ANKS1B: variants seen among roughly 807,000 people sequenced by gnomAD.
The protein encoded by ANKS1B is ankyrin repeat and sterile alpha motif domain containing 1B.
In ANKS1B, 36 loss-of-function variants were observed where a neutral mutation model predicts 148.3. The ratio of observed to expected loss-of-function variants is 0.24; its 90% CI spans 0.19 to 0.32. The LOEUF (loss-of-function observed/expected upper bound fraction) is 0.32, where lower values mean the gene tolerates loss of function less well. ANKS1B is among the 10% of genes least tolerant of loss of function. The pLI is 1.00. For missense variants in ANKS1B, 1,157 were observed against 1,542.6 expected, an observed-to-expected ratio of 0.75 and a Z score of 4.19; for synonymous variants, 542 against 560.8, an observed-to-expected ratio of 0.97 and a Z score of 0.47.
chr12:99,327,271 A>T (rs1427657377), intron 12 of ANKS1B, among the ~76,000 whole-genome samples: 11 of 116,500 alleles, frequency 9.4e-5, no homozygotes, highest in Admixed American at 8.4e-4. Flanking sequence ...AAATAATTAT[A>T]ATTTATTATA....
At chr12:99,442,172 G>T (rs2095559986) in intron 11 of ANKS1B, among the ~76,000 whole-genome samples, 1 of 151,710 alleles carries the variant, frequency 6.6e-6, no homozygotes, top group African/African-American at 2.4e-5. Context: ...GAAGCAAATA[G>T]ACCCCATCAA....
intron 17 of ANKS1B, among the ~76,000 whole-genome samples, chr12:98,940,072 T>C (rs188984694): frequency 1.3e-5 from 2 of 152,320 alleles, no homozygotes; most frequent in Non-Finnish European, 2.9e-5. Context: ...AAGCAAACAC[T>C]GCAGCTGAGT....
At chr12:99,860,954 C>T (rs536455231) in intron 1 of ANKS1B, among the ~76,000 whole-genome samples, 1 of 152,264 alleles carries the variant, frequency 6.6e-6, no homozygotes, top group African/African-American at 2.4e-5. Flanking sequence ...AACTACAACC[C>T]AAATTAGTAC....
At chr12:99,000,967 C>CTGTG (rs377515057) in intron 17 of ANKS1B, among the ~76,000 whole-genome samples, 4 of 150,070 alleles carry the variant, frequency 2.7e-5, no homozygotes, top group East Asian at 3.9e-4. Context: ...TAATATTCCG[C>CTGTG]TGTGTGTGTG....
chr12:99,739,318 T>A (rs2059878696), intron 8 of ANKS1B, among the ~76,000 whole-genome samples: 1 of 127,368 alleles, frequency 7.9e-6, no homozygotes, highest in South Asian at 3.0e-4. Flanking sequence ...TTTCTATCTG[T>A]GATTTGATGG....
At chr12:98,885,985 C>T (rs1188150330) in intron 17 of ANKS1B, among the ~76,000 whole-genome samples, 2 of 151,432 alleles carry the variant, frequency 1.3e-5, no homozygotes, top group Admixed American at 1.3e-4. Context: ...GATATGCAAG[C>T]ATTCTAAGGG....
chr12:99,568,337 G>C (rs1296882312), intron 9 of ANKS1B, among the ~76,000 whole-genome samples: 1 of 152,022 alleles, frequency 6.6e-6, no homozygotes, highest in African/African-American at 2.4e-5. Flanking sequence ...CATCTTATTA[G>C]GACACTTGTG....
chr12:99,589,934 C>G (rs1308065550), intron 9 of ANKS1B, among the ~76,000 whole-genome samples: 2 of 151,978 alleles, frequency 1.3e-5, no homozygotes, highest in Admixed American at 6.6e-5. Flanking sequence ...ACTTGTACCC[C>G]ATAAATATGT....
At position 99,193,762 on chromosome 12, in the gene ANKS1B, A is replaced by G. The variant is rs11109757; in HGVS notation, c.2420-39367T>C. Among the ~76,000 whole-genome samples the G allele has an allele frequency of 5.1e-3, 762 of 150,336 alleles. 12 individuals are homozygous for G. Among genetic ancestry groups the G allele is most frequent in the African/African-American group, 0.018 (744 of 40,780 alleles). ...CACTGAATCTCTGGGGACCTAGTGT[A>G]AGAAGACAGATTTTCCATGTATTTC... On this transcript the variant is annotated intron_variant, in intron 14 of 26. Coordinates refer to ENST00000683438, the MANE Select transcript of ANKS1B (RefSeq NM_001352186.2).
chr12:99,474,390 T>A (rs1299480836), intron 10 of ANKS1B, among the ~76,000 whole-genome samples: 3 of 152,116 alleles, frequency 2.0e-5, no homozygotes, highest in Non-Finnish European at 4.4e-5. Context: ...CAGAAAATTG[T>A]ACATTTTATG....
intron 17 of ANKS1B, among the ~76,000 whole-genome samples, chr12:98,891,637 C>G (rs1365713387): frequency 6.6e-6 from 1 of 152,136 alleles, no homozygotes; most frequent in African/African-American, 2.4e-5. Flanking sequence ...ATTGACAGCA[C>G]TGCACTTTGA....
intron 1 of ANKS1B, among the ~76,000 whole-genome samples, chr12:99,877,573 A>G (rs371689061): frequency 2.6e-5 from 4 of 152,330 alleles, no homozygotes; most frequent in South Asian, 2.1e-4. Flanking sequence ...ATTTATTTTC[A>G]TACATTTGTC....
At chr12:98,817,408 C>T (rs1269607242) in intron 19 of ANKS1B, among the ~76,000 whole-genome samples, 1 of 152,202 alleles carries the variant, frequency 6.6e-6, no homozygotes, top group Non-Finnish European at 1.5e-5. Flanking sequence ...GCAGTGACAG[C>T]CCCACAGTTG....
intron 1 of ANKS1B, among the ~76,000 whole-genome samples, chr12:99,910,032 T>C (rs2093943710): frequency 6.6e-6 from 1 of 152,168 alleles, no homozygotes; most frequent in Admixed American, 6.5e-5. Flanking sequence ...TGAAGTATTC[T>C]GCAAGCTGTA....
At chr12:98,813,534 T>G (rs1362616411) in intron 19 of ANKS1B, among the ~76,000 whole-genome samples, 2 of 149,740 alleles carry the variant, frequency 1.3e-5, no homozygotes, top group African/African-American at 4.9e-5. Context: ...TAAGTTTTGT[T>G]TTTTTTTTTC....
At position 99,099,908 on chromosome 12, in the gene ANKS1B, G is replaced by A. The variant is rs566082440; in HGVS notation, c.2527-14885C>T. 3.9e-5 allele frequency: 6 copies of A among 152,246 alleles called. No homozygotes were observed. The South Asian group carries it at 1.2e-3, about 32-fold the overall frequency. 9.4% of individuals were successfully genotyped at this position (152,246 alleles called of 1,614,324 possible). ...ACTCTTTCCCCTGCCTTTTGAATAG[G>A]GGGCCCCACATTTTCATTTTGGACT... On this transcript the variant is annotated intron_variant, in intron 15 of 26. Coordinates refer to ENST00000683438, the MANE Select transcript of ANKS1B (RefSeq NM_001352186.2).
At chr12:99,404,667 C>T (rs1198104616) in intron 11 of ANKS1B, among the ~76,000 whole-genome samples, 1 of 145,150 alleles carries the variant, frequency 6.9e-6, no homozygotes, top group Non-Finnish European at 1.5e-5. Context: ...AAAATAGCTT[C>T]CAAAGGGCAA....
chr12:99,752,567 G>A (rs941279449), intron 8 of ANKS1B, among the ~76,000 whole-genome samples: 8 of 151,870 alleles, frequency 5.3e-5, no homozygotes, highest in Middle Eastern at 6.8e-3. Context: ...TTCTCATTAC[G>A]CAATAAGATT....
At chr12:99,632,727 C>CTAGATAGATATATA in intron 9 of ANKS1B, among the ~76,000 whole-genome samples, 1 of 39,044 alleles carries the variant, frequency 2.6e-5, no homozygotes, top group East Asian at 1.0e-3. Flanking sequence ...CCTTTTCTTT[C>CTAGATAGATATATA]TATATATATA....
Sources: allele counts gnomAD v4.1 joint callset (sites outside exome capture counted in the v4.1 genomes callset), GRCh38; gene constraint gnomAD v4.1.1; transcripts MANE v1.5; gene names NCBI Gene and HGNC (gene_info 2026-07-23, HGNC 2026-07-21).